Variants in WDR70 observed in about 807,000 individuals in gnomAD.
The protein encoded by WDR70 is WD repeat-containing protein 70.
Under a neutral mutation model 88.6 loss-of-function variants are expected in WDR70, and 53 were observed. The ratio of observed to expected loss-of-function variants is 0.60; its 90% CI spans 0.48 to 0.75. The LOEUF is 0.75. Among genes scored for constraint, WDR70 ranks in the 30% least tolerant of loss-of-function variants. WDR70 has a pLI of 0.00. For synonymous variants in WDR70, 280 were observed against 270.0 expected, an observed-to-expected ratio of 1.04 and a Z score of -0.36; for missense variants, 610 against 823.2, an observed-to-expected ratio of 0.74 and a Z score of 3.17.
At chr5:37,684,583 G>A (rs1336005109) in intron 10 of WDR70, among the ~76,000 whole-genome samples, 2 of 152,186 alleles carry the variant, frequency 1.3e-5, no homozygotes, top group South Asian at 2.1e-4. Context: ...TCCCACTCCC[G>A]ACTCCCGGAC....
intron 6 of WDR70, among the ~76,000 whole-genome samples, chr5:37,440,346 A>G (rs1229940675): frequency 6.6e-6 from 1 of 151,884 alleles, no homozygotes; most frequent in Non-Finnish European, 1.5e-5. Flanking sequence ...AAGTTGGAAC[A>G]AGACACTTTT....
At chr5:37,575,046 G>A (rs922285246) in intron 9 of WDR70, among the ~76,000 whole-genome samples, 41 of 152,128 alleles carry the variant, frequency 2.7e-4, no homozygotes, top group African/African-American at 7.5e-4. Context: ...TGAAAGCTCC[G>A]TGAGGGCAAG....
At chr5:37,724,815 T>C in intron 15 of WDR70, 119 bp from the exon 16 acceptor site, 1 of 978,946 alleles carries the variant, frequency 1.0e-6, no homozygotes, top group Non-Finnish European at 1.5e-6. Context: ...TCTTTTATTA[T>C]CAGATCAAGA....
At chr5:37,589,830 G>A (rs1344741138) in intron 9 of WDR70, among the ~76,000 whole-genome samples, 1 of 152,056 alleles carries the variant, frequency 6.6e-6, no homozygotes, top group Non-Finnish European at 1.5e-5. Flanking sequence ...TTGAATACCT[G>A]GACTCAAGTG....
intron 10 of WDR70, among the ~76,000 whole-genome samples, chr5:37,681,762 A>T (rs1420197083): frequency 6.6e-6 from 1 of 152,178 alleles, no homozygotes; most frequent in Non-Finnish European, 1.5e-5. Context: ...TCAACCTGGC[A>T]TCTAGGGGAT....
intron 9 of WDR70, among the ~76,000 whole-genome samples, chr5:37,527,464 C>A (rs995220739): frequency 6.6e-6 from 1 of 152,126 alleles, no homozygotes; most frequent in South Asian, 2.1e-4. Context: ...CTTCCTTATA[C>A]CTTATACAAA....
At chr5:37,441,036 C>T (rs979228787) in intron 6 of WDR70, among the ~76,000 whole-genome samples, 1 of 152,150 alleles carries the variant, frequency 6.6e-6, no homozygotes, top group Non-Finnish European at 1.5e-5. Context: ...AGGACAGATA[C>T]AGAATAGAGG....
chr5:37,477,116 C>G (rs1739509964), intron 7 of WDR70, among the ~76,000 whole-genome samples: 1 of 152,182 alleles, frequency 6.6e-6, no homozygotes, highest in East Asian at 1.9e-4. Flanking sequence ...AGTCAGTATT[C>G]ATAACTTATT....
intron 17 of WDR70, among the ~76,000 whole-genome samples, chr5:37,734,547 A>T (rs1033897811): frequency 6.6e-6 from 1 of 152,158 alleles, no homozygotes; most frequent in Non-Finnish European, 1.5e-5. Context: ...TAATAATGCT[A>T]AGAAGAAAAC....
At chr5:37,523,609 A>C (rs1741165439) in intron 9 of WDR70, among the ~76,000 whole-genome samples, 1 of 152,272 alleles carries the variant, frequency 6.6e-6, no homozygotes, top group Non-Finnish European at 1.5e-5. Context: ...CTTCACCAGC[A>C]ATGGAACAAA....
chr5:37,395,612 A>G (rs1748985515), intron 4 of WDR70, among the ~76,000 whole-genome samples: 1 of 152,158 alleles, frequency 6.6e-6, no homozygotes, highest in Admixed American at 6.6e-5. Flanking sequence ...ATTATATTGA[A>G]ACATTTTGGG....
intron 10 of WDR70, among the ~76,000 whole-genome samples, chr5:37,627,507 G>A (rs1744702009): frequency 6.6e-6 from 1 of 151,970 alleles, no homozygotes. Flanking sequence ...GTTCTTTGAG[G>A]TGCATTGTTA....
At chr5:37,631,234 G>A (rs897045279) in intron 10 of WDR70, among the ~76,000 whole-genome samples, 4 of 152,176 alleles carry the variant, frequency 2.6e-5, no homozygotes, top group Admixed American at 6.5e-5. Flanking sequence ...AGTCTGGGGG[G>A]ACAAATGCCA....
In WDR70 at chr5:37,605,247, A is replaced by T; in HGVS notation, c.1092+9A>T. On this transcript the variant is annotated intron_variant, in intron 10 of 17. Transcript: ENST00000265107. ...GGGACCGAAATTTGACTGTAAGTTA[A>T]ATCTTTTCTTAGAACATGGCCACCT... The T allele has an allele frequency of 6.3e-7, 1 of 1,587,308 alleles. No individual in the cohort carries two copies.
At chr5:37,703,512 G>T (rs368384924) in intron 13 of WDR70, among the ~76,000 whole-genome samples, 266 of 152,242 alleles carry the variant, frequency 1.7e-3, no homozygotes, top group African/African-American at 6.2e-3. Flanking sequence ...TGCTTGTGTG[G>T]GTTGTAGTCA....
At chr5:37,474,925 T>A (rs1009829076) in intron 7 of WDR70, among the ~76,000 whole-genome samples, 1 of 152,152 alleles carries the variant, frequency 6.6e-6, no homozygotes, top group Non-Finnish European at 1.5e-5. Flanking sequence ...ATTTTTATTA[T>A]TTTTATTTTT....
chr5:37,521,733 C>T (rs1741098182), intron 9 of WDR70, among the ~76,000 whole-genome samples: 1 of 151,920 alleles, frequency 6.6e-6, no homozygotes, highest in Non-Finnish European at 1.5e-5. Context: ...CACACACACA[C>T]ACACACACCC....
chr5:37,618,956 G>T (rs1744426539), intron 10 of WDR70, among the ~76,000 whole-genome samples: 2 of 152,150 alleles, frequency 1.3e-5, no homozygotes, highest in Admixed American at 1.3e-4. Context: ...AAGATTTTTT[G>T]AAGCCAGAGC....
At chr5:37,719,001 G>T (rs1220490457) in intron 13 of WDR70, among the ~76,000 whole-genome samples, 1 of 152,154 alleles carries the variant, frequency 6.6e-6, no homozygotes, top group Non-Finnish European at 1.5e-5. Context: ...TTTTAAATTG[G>T]GTGGTTTAGA....
Sources: allele counts gnomAD v4.1 joint callset (sites outside exome capture counted in the v4.1 genomes callset), GRCh38; gene constraint gnomAD v4.1.1; transcripts MANE v1.5; gene names NCBI Gene and HGNC (gene_info 2026-07-23, HGNC 2026-07-21).